CNOT1: variants seen among roughly 807,000 people sequenced by gnomAD.
CNOT1 encodes the protein CCR4-associated factor 1.
A neutral mutation model predicts 273.8 loss-of-function variants in CNOT1; 15 were observed. The observed-to-expected ratio is 0.05, with a 90% confidence interval of 0.04 to 0.08. The LOEUF is 0.08. Among genes scored for constraint, CNOT1 ranks in the 10% least tolerant of loss-of-function variants. CNOT1 has a pLI of 1.00. For synonymous variants in CNOT1, 1,022 were observed against 1,005.5 expected, an observed-to-expected ratio of 1.02 and a Z score of -0.31; for missense variants, 1,644 against 2,912.2, an observed-to-expected ratio of 0.56 and a Z score of 10.02.
At chr16:58,580,569 T>G (rs1186798082) in intron 12 of CNOT1, 64 bp downstream of exon 12, 1 of 1,562,708 alleles carries the variant, frequency 6.4e-7, no homozygotes, top group Non-Finnish European at 8.6e-7. Flanking sequence ...TGGCTTACTA[T>G]TAACTTTATA....
chr16:58,590,057 T>G (rs534406703), intron 2 of CNOT1, among the ~76,000 whole-genome samples: 5 of 152,372 alleles, frequency 3.3e-5, no homozygotes, highest in Admixed American at 2.0e-4. Flanking sequence ...TGTATAGCTG[T>G]GTTCACTTCT....
In CNOT1 at chr16:58,522,433, T is replaced by C. The variant is rs984637938; in HGVS notation, c.6917+937A>G. On this transcript the variant is annotated intron_variant, in intron 47 of 48. Coordinates refer to ENST00000317147, the MANE Select transcript of CNOT1 (RefSeq NM_016284.5). ...TTTATATAAACAAAATGGATCATCATCATCTAAGCATCCAATAAGATATTA... is the reference window on the plus strand; with the variant it reads ...TTTATATAAACAAAATGGATCATCACCATCTAAGCATCCAATAAGATATTA... 2.0e-5 allele frequency among the ~76,000 whole-genome samples: 3 copies of C among 152,118 alleles called. No individual in the cohort carries two copies. The East Asian group carries it at 5.8e-4, about 29-fold the overall frequency.
intron 1 of CNOT1, among the ~76,000 whole-genome samples, chr16:58,614,558 G>C (rs367726362): frequency 8.0e-6 from 1 of 125,180 alleles, no homozygotes; most frequent in Non-Finnish European, 1.9e-5. Context: ...ACGTGCTGTC[G>C]CAACTCCATG....
rs1438827836 is a variant in CNOT1, at chr16:58,551,282, AAAAAT to A, written c.3202-15_3202-11del. On this transcript the variant is annotated splice_polypyrimidine_tract_variant and intron_variant, in intron 23 of 48. Coordinates refer to ENST00000317147, the MANE Select transcript of CNOT1 (RefSeq NM_016284.5). ...TAGTATTAATAGAAGGCTAAAAAAA[AAAAAT>A]AAAGTACATAAGGCAAATAAGTTGA... is the stretch of plus-strand genomic sequence containing the variant. 2.6e-6 allele frequency: 4 copies of A among 1,563,314 alleles called. No individual in the cohort carries two copies. Among genetic ancestry groups the A allele is most frequent in the Non-Finnish European group, 2.6e-6 (3 of 1,164,096 alleles).
Position 58,614,443 on chromosome 16 carries a change from A to G in CNOT1, c.-174-14932T>C, listed in dbSNP as rs1263175152. On this transcript the variant is annotated intron_variant, in intron 1 of 48. Transcript: ENST00000317147. ...TTCTGTCTAGGAGCCTAAAATTTTA[A>G]TATGTGGTAGGCAGAGGGTGCCTAC... is the stretch of plus-strand genomic sequence containing the variant. Among the ~76,000 whole-genome samples the G allele has an allele frequency of 1.6e-5, 2 of 125,724 alleles. 1 individual carries two copies. Among genetic ancestry groups the G allele is most frequent in the African/African-American group, 5.4e-5 (2 of 37,258 alleles). The allele number at this position is 125,724 out of a possible 152,430, so 82.5% of individuals were successfully genotyped here.
At chr16:58,600,326 G>A (rs79105039) in intron 1 of CNOT1, among the ~76,000 whole-genome samples, 6,616 of 151,900 alleles carry the variant, frequency 0.044, 420 homozygotes, top group East Asian at 0.26. Context: ...AGTGGTACTC[G>A]GTCTCAAAAA....
In CNOT1 at chr16:58,602,553, CAAAAAAAA is replaced by C. The variant is rs60230860; in HGVS notation, c.-174-3050_-174-3043del. ...GGGCAACAGAGCAAGACTCTGTCTC[CAAAAAAAA>C]AAAAAAAAAAAAAAAACCCATCCAT... On this transcript the variant is annotated intron_variant, in intron 1 of 48. Transcript: ENST00000317147. Among the ~76,000 whole-genome samples the C allele has an allele frequency of 1.9e-4, 11 of 57,976 alleles. 1 individual carries two copies. The highest frequency in any genetic ancestry group is 1.6e-3 in the South Asian group (2 of 1,264). 38.0% of individuals were successfully genotyped at this position (57,976 alleles called of 152,430 possible). A position where few individuals can be genotyped will look rare whatever the true frequency, so the allele number is the denominator to read the frequency against.
intron 23 of CNOT1, 130 bp from the exon 24 acceptor site, chr16:58,551,402 G>C: frequency 8.3e-7 from 1 of 1,204,998 alleles, no homozygotes; most frequent in South Asian, 1.5e-5. Context: ...ATGTAGGCAA[G>C]AATAGTGAAC....
intron 44 of CNOT1, among the ~76,000 whole-genome samples, chr16:58,527,063 A>G (rs1224922078): frequency 6.6e-6 from 1 of 152,142 alleles, no homozygotes; most frequent in African/African-American, 2.4e-5. Context: ...TATAGTAGCC[A>G]TGTCAGGGTG....
At chr16:58,595,988 GCTTTT>G (rs1448002227) in intron 2 of CNOT1, among the ~76,000 whole-genome samples, 2 of 152,194 alleles carry the variant, frequency 1.3e-5, no homozygotes, top group Non-Finnish European at 2.9e-5. Context: ...GCAGTCTTGT[GCTTTT>G]CTTTTGGGAT....
intron 2 of CNOT1, chr16:58,597,631 G>A: frequency 2.3e-6 from 1 of 441,962 alleles, no homozygotes; most frequent in Non-Finnish European, 4.4e-6. Context: ...CAATCAACAT[G>A]GAGAGATGCT....
intron 13 of CNOT1, 142 bp from the exon 14 acceptor site, chr16:58,576,724 G>A (rs2041468785): frequency 1.5e-6 from 2 of 1,334,358 alleles, no homozygotes; most frequent in Non-Finnish European, 1.0e-6. Context: ...CTCAAACTAT[G>A]CAATTACCGT....
intron 14 of CNOT1, among the ~76,000 whole-genome samples, chr16:58,575,835 C>T (rs1054479152): frequency 6.6e-6 from 1 of 152,072 alleles, no homozygotes; most frequent in East Asian, 1.9e-4. Context: ...TCAAAAGATC[C>T]TGTTGATTCT....
In CNOT1 at chr16:58,558,622, G is replaced by A. The variant is rs1181695752; in HGVS notation, c.2183C>T (p.Pro728Leu). 3 of 1,613,434 alleles carry A rather than the reference G, an allele frequency of 1.9e-6. No individual in the cohort carries two copies. Among genetic ancestry groups the A allele is most frequent in the Non-Finnish European group, 2.5e-6 (3 of 1,179,742 alleles). The change falls in exon 18 of 49, where the codon CCT becomes CTT. Residue 728 changes from proline to leucine, a missense_variant. Around this residue, in one of 13 missense-constraint regions of CNOT1, gnomAD observed 706 missense variants for 1,021.2 expected, o/e 0.69. Coordinates refer to ENST00000317147, the MANE Select transcript of CNOT1 (RefSeq NM_016284.5). Reference sequence around the variant, plus strand: ...AAAACCCTGCATACTCTGGGTGTGAGGGGCAGCTGAACCACCTATACTAAG... The same window carrying A: ...AAAACCCTGCATACTCTGGGTGTGAAGGGCAGCTGAACCACCTATACTAAG... Reference protein sequence around the residue: ...TSLSIGGSAAPHTQSMQGFPP... With the variant: ...TSLSIGGSAALHTQSMQGFPP...
intron 45 of CNOT1, 63 bp from the exon 46 acceptor site, chr16:58,525,422 G>T (rs185404899): frequency 1.4e-6 from 2 of 1,430,750 alleles, no homozygotes; most frequent in Non-Finnish European, 1.9e-6. Flanking sequence ...TCTAGCACCA[G>T]TATTTCTAAA....
intron 1 of CNOT1, among the ~76,000 whole-genome samples, chr16:58,629,294 G>A (rs919954766): frequency 2.0e-5 from 3 of 152,222 alleles, no homozygotes; most frequent in Non-Finnish European, 2.9e-5. Flanking sequence ...GGCCTCGGAA[G>A]CCGATGCCCA....
chr16:58,596,451 T>C (rs2042251178), intron 2 of CNOT1, among the ~76,000 whole-genome samples: 1 of 152,066 alleles, frequency 6.6e-6, no homozygotes, highest in South Asian at 2.1e-4. Flanking sequence ...CTAACAGAAG[T>C]GTGTGGAATT....
chr16:58,542,555 T>C lies in CNOT1; in HGVS notation c.4448A>G (p.Gln1483Arg). The change falls in exon 32 of 49, where the codon CAA becomes CGA. Residue 1483 changes from glutamine (Q) to arginine (R), a missense_variant. Coordinates refer to ENST00000317147, the MANE Select transcript of CNOT1 (RefSeq NM_016284.5). ...FASALRTASP[Q>R]QREMMDQAAA... is the part of the protein sequence containing the mutation. ...TGCCTGATCCATCATTTCTCTTTGT[T>C]GTGGGGAAGCAGTCTATTAATGGAG... 7.7e-7 allele frequency: 1 copy of C among 1,306,942 alleles called. No homozygotes were observed. Among genetic ancestry groups the C allele is most frequent in the Non-Finnish European group, 1.0e-6 (1 of 996,604 alleles). 81.0% of individuals were successfully genotyped at this position (1,306,942 alleles called of 1,614,324 possible). A position where few individuals can be genotyped will look rare whatever the true frequency, so the allele number is the denominator to read the frequency against.
In CNOT1 at chr16:58,575,110, T is replaced by C. The variant is rs2041412702; in HGVS notation, c.1724A>G (p.Asn575Ser). 1.2e-6 allele frequency: 2 copies of C among 1,613,868 alleles called. No individual in the cohort carries two copies. The highest frequency in any genetic ancestry group is 1.7e-6 in the Non-Finnish European group (2 of 1,179,980). The stretch of plus-strand genomic sequence containing the variant: ...AATAACAAAGGCAAATGGAGTACCA[T>C]TTAGCAGCATTGACAAGGCCTAAAG... ...QDLKALSMLL[N>S]GTPFAFVIDL... The change falls in exon 15 of 49, where the codon AAT (asparagine) becomes AGT (serine). Residue 575 changes from asparagine to serine, a missense_variant. Asn to Ser is a conservative substitution (Grantham distance 46, BLOSUM62 1). Transcript: ENST00000317147.
Sources: allele counts gnomAD v4.1 joint callset (sites outside exome capture counted in the v4.1 genomes callset), GRCh38; gene constraint gnomAD v4.1.1; regional missense constraint gnomAD v4.1.1; transcripts MANE v1.5; gene names NCBI Gene and HGNC (gene_info 2026-07-23, HGNC 2026-07-21).